KCNH1: variants seen among roughly 807,000 people sequenced by gnomAD.
The protein encoded by KCNH1 is potassium voltage-gated channel subfamily H member 1, also known as voltage-gated delayed rectifier potassium channel KCNH1.
KCNH1 carries 27 observed loss-of-function variants against 69.2 expected under a neutral mutation model. The observed-to-expected ratio is 0.39, with a 90% CI of 0.29 to 0.54. The LOEUF is 0.54. Ranked by LOEUF, KCNH1 falls within the 20% of genes least tolerant of loss-of-function variation. The probability of loss-of-function intolerance (pLI) is 0.68; values close to 1 mark genes in which losing one functional copy is unlikely to be tolerated. For synonymous variants in KCNH1, 456 were observed against 487.7 expected, an observed-to-expected ratio of 0.93 and a Z score of 0.86; for missense variants, 798 against 1,261.6, an observed-to-expected ratio of 0.63 and a Z score of 5.57.
At chr1:210,961,021 A>T (rs1219364811) in intron 6 of KCNH1, among the ~76,000 whole-genome samples, 1 of 152,146 alleles carries the variant, frequency 6.6e-6, no homozygotes, top group East Asian at 1.9e-4. Flanking sequence ...TATCTCTTGA[A>T]CATATACAAT....
At chr1:210,993,974 G>A (rs548510065) in intron 6 of KCNH1, among the ~76,000 whole-genome samples, 1 of 152,134 alleles carries the variant, frequency 6.6e-6, no homozygotes, top group South Asian at 2.1e-4. Flanking sequence ...AAGAAAAAAT[G>A]TAAAAATAAA....
chr1:210,825,872 T>C (rs1173054841), intron 7 of KCNH1, among the ~76,000 whole-genome samples: 5 of 152,346 alleles, frequency 3.3e-5, no homozygotes, highest in African/African-American at 1.2e-4. Flanking sequence ...TTCACTTGTA[T>C]CATTGTTTAA....
intron 6 of KCNH1, among the ~76,000 whole-genome samples, chr1:210,922,338 C>T (rs1466471870): frequency 5.4e-5 from 7 of 130,786 alleles, no homozygotes; most frequent in South Asian, 2.5e-4. Context: ...GAGCTGAGAT[C>T]GTGCCACTGC....
intron 10 of KCNH1, among the ~76,000 whole-genome samples, chr1:210,736,327 T>C (rs950398723): frequency 6.6e-6 from 1 of 152,156 alleles, no homozygotes; most frequent in Non-Finnish European, 1.5e-5. Context: ...GACAGGTGGG[T>C]CACCTGAGGT....
chr1:210,913,518 C>T (rs185893833), intron 7 of KCNH1, among the ~76,000 whole-genome samples: 5 of 152,280 alleles, frequency 3.3e-5, no homozygotes, highest in Admixed American at 6.5e-5. Flanking sequence ...GTTTTCACTT[C>T]GGCCAAGTGA....
intron 10 of KCNH1, among the ~76,000 whole-genome samples, chr1:210,739,935 T>A (rs1416605092): frequency 6.6e-6 from 1 of 152,072 alleles, no homozygotes; most frequent in Non-Finnish European, 1.5e-5. Flanking sequence ...TGTTGCATTA[T>A]AGTCTCAGTC....
intron 6 of KCNH1, among the ~76,000 whole-genome samples, chr1:211,001,020 G>C (rs569151434): frequency 6.6e-6 from 1 of 152,176 alleles, no homozygotes; most frequent in Admixed American, 6.5e-5. Context: ...ATTCAAGATG[G>C]ATTAAAGACT....
At chr1:210,933,166 T>C (rs929259843) in intron 6 of KCNH1, among the ~76,000 whole-genome samples, 15 of 152,182 alleles carry the variant, frequency 9.9e-5, no homozygotes, top group African/African-American at 3.6e-4. Flanking sequence ...ATATACACCA[T>C]GGAATACTAT....
intron 7 of KCNH1, chr1:210,860,874 T>G: frequency 1.1e-6 from 1 of 917,616 alleles, no homozygotes; most frequent in East Asian, 2.4e-5. Context: ...TCATGTAGCC[T>G]AGTTCACTGC....
At chr1:210,806,455 C>A (rs1054561797) in intron 7 of KCNH1, among the ~76,000 whole-genome samples, 2 of 151,918 alleles carry the variant, frequency 1.3e-5, no homozygotes, top group African/African-American at 4.8e-5. Flanking sequence ...CAAGTCCCTT[C>A]TCAGATAAAT....
chr1:210,895,162 C>CTTT (rs35601819), intron 7 of KCNH1, among the ~76,000 whole-genome samples: 6 of 139,338 alleles, frequency 4.3e-5, no homozygotes, highest in African/African-American at 1.6e-4. Context: ...CTTTTGTTTC[C>CTTT]TTTTTTTTTT....
Position 210,681,160 on chromosome 1 carries a change from C to T in KCNH1, c.*2121G>A, listed in dbSNP as rs897978580. 1 of 152,112 alleles carries T rather than the reference C, an allele frequency of 6.6e-6. No homozygotes were observed. Among genetic ancestry groups the T allele is most frequent in the Non-Finnish European group, 1.5e-5 (1 of 68,042 alleles). The allele number at this position is 152,112 out of a possible 1,614,324, so 9.4% of individuals were successfully genotyped here. On this transcript the variant is annotated 3_prime_UTR_variant, in exon 11 of 11. Coordinates refer to ENST00000271751, the MANE Select transcript of KCNH1 (RefSeq NM_172362.3). The stretch of plus-strand genomic sequence containing the variant: ...TAAACTTCAGAAGCAGGTTGAGGAG[C>T]ATGTTTAAGAAATGGCAGACTAGAA...
chr1:211,101,677 G>A (rs761832417), intron 3 of KCNH1, among the ~76,000 whole-genome samples: 2 of 152,168 alleles, frequency 1.3e-5, no homozygotes, highest in Non-Finnish European at 2.9e-5. Context: ...TCATGTGGTA[G>A]CCCTGCCTTG....
chr1:210,977,832 G>A (rs1445634327), intron 6 of KCNH1, among the ~76,000 whole-genome samples: 2 of 152,058 alleles, frequency 1.3e-5, no homozygotes, highest in South Asian at 2.1e-4. Context: ...TGATATTTCA[G>A]TACATGTATA....
chr1:211,075,972 CT>C (rs1264504732), intron 5 of KCNH1, among the ~76,000 whole-genome samples: 31 of 152,224 alleles, frequency 2.0e-4, no homozygotes, highest in African/African-American at 7.0e-4. Flanking sequence ...TGGAGCCTTG[CT>C]TACTGCGAGC....
chr1:210,688,734 A>G (rs1681460925), intron 10 of KCNH1, among the ~76,000 whole-genome samples: 1 of 152,148 alleles, frequency 6.6e-6, no homozygotes, highest in Admixed American at 6.5e-5. Context: ...TGAGATAAAC[A>G]TTTTTGCAAT....
chr1:210,955,589 T>A (rs566201091), intron 6 of KCNH1, among the ~76,000 whole-genome samples: 12 of 152,294 alleles, frequency 7.9e-5, no homozygotes, highest in Admixed American at 2.6e-4. Flanking sequence ...AAGCAGTGGT[T>A]TGTAGTTCTC....
chr1:210,946,926 G>A lies in KCNH1; in HGVS notation c.1033-26857C>T, dbSNP rs554517802. Among the ~76,000 whole-genome samples, 45 of 152,142 alleles carry A rather than the reference G, an allele frequency of 3.0e-4. No individual in the cohort carries two copies. The South Asian group carries it at 3.7e-3, about 13-fold the overall frequency. ...TCTTCCTTGACATCTCAGCCAGAGC[G>A]GCCCCACTCCCAAGCATCCAGCACA... is the stretch of plus-strand genomic sequence containing the variant. On this transcript the variant is annotated intron_variant, in intron 6 of 10. Coordinates refer to ENST00000271751, the MANE Select transcript of KCNH1 (RefSeq NM_172362.3).
intron 6 of KCNH1, among the ~76,000 whole-genome samples, chr1:210,928,844 G>A (rs1311103102): frequency 3.9e-5 from 6 of 152,000 alleles, no homozygotes; most frequent in African/African-American, 1.5e-4. Flanking sequence ...AACGAAACGA[G>A]AGATACTACA....
Sources: allele counts gnomAD v4.1 joint callset (sites outside exome capture counted in the v4.1 genomes callset), GRCh38; gene constraint gnomAD v4.1.1; transcripts MANE v1.5; gene names NCBI Gene and HGNC (gene_info 2026-07-23, HGNC 2026-07-21).